PCNT: variants seen among roughly 807,000 people sequenced by gnomAD.
PCNT encodes kendrin.
Under a neutral mutation model 380.4 loss-of-function variants are expected in PCNT, and 319 were observed. The observed-to-expected ratio is 0.84, with a 90% CI of 0.77 to 0.92. The LOEUF (loss-of-function observed/expected upper bound fraction) is 0.92. Among genes scored for constraint, PCNT ranks in the 40% least tolerant of loss-of-function variants. The pLI, the probability that PCNT is intolerant of heterozygous loss-of-function variation, is 0.00. For missense variants in PCNT, 4,400 were observed against 4,255.3 expected (o/e 1.03, Z -0.95); for synonymous variants, 1,845 against 1,735.2 (o/e 1.06, Z -1.57).
At chr21:46,368,997 G>C (rs111741742) in intron 15 of PCNT, among the ~76,000 whole-genome samples, 26 of 152,354 alleles carry the variant, frequency 1.7e-4, no homozygotes, top group African/African-American at 6.3e-4. Context: ...CTTCAGCTCT[G>C]TGTAAGAACA....
intron 13 of PCNT, among the ~76,000 whole-genome samples, 187 bp from the exon 14 acceptor site, chr21:46,363,293 T>A (rs1264402053): frequency 6.6e-6 from 1 of 152,188 alleles, no homozygotes; most frequent in Non-Finnish European, 1.5e-5. Context: ...TTATTTAGTT[T>A]TAGACTTGTC....
Position 46,390,824 on chromosome 21 carries a change from A to G in PCNT, c.3995A>G (p.Lys1332Arg). ...GCAGAGCTGGCGCTGGAGCTGCACA[A>G]GACTCAGGGTGAGCAGCATGAGGCC... ...AKAELALELH[K>R]TQGTLEGFKV... Residue 1332 changes from lysine (K) to arginine (R), a missense_variant, in exon 20 of 47, where the codon AAG becomes AGG. Coordinates refer to ENST00000359568, the MANE Select transcript of PCNT (RefSeq NM_006031.6). 1 of 1,608,712 alleles carries G rather than the reference A, an allele frequency of 6.2e-7. No homozygotes were observed. The highest frequency in any genetic ancestry group is 2.1e-4 in the Middle Eastern group (1 of 4,694).
At chr21:46,360,899 C>T (rs926145383) in intron 13 of PCNT, among the ~76,000 whole-genome samples, 1 of 152,152 alleles carries the variant, frequency 6.6e-6, no homozygotes, top group Non-Finnish European at 1.5e-5. Flanking sequence ...AAGGTAATTA[C>T]TGGTGTGGTT....
In PCNT at chr21:46,342,516, T is replaced by C. The variant is rs1481028525; in HGVS notation, c.640-3612T>C. ...CAACCTGGATGTGTTTTTTATCTGT[T>C]TGTGTCATCAATTCTTTCTTTTTTT... On this transcript the variant is annotated intron_variant, in intron 3 of 46. Transcript: ENST00000359568. Among the ~76,000 whole-genome samples, 3 of 152,236 alleles carry C rather than the reference T, an allele frequency of 2.0e-5. No homozygotes were observed. The East Asian group carries it at 5.8e-4, about 29-fold the overall frequency.
intron 34 of PCNT, 75 bp downstream of exon 34, chr21:46,427,870 G>A: frequency 6.7e-7 from 1 of 1,501,870 alleles, no homozygotes; most frequent in Non-Finnish European, 9.2e-7. Context: ...GACACAGACT[G>A]TTTTGTGTGT....
At position 46,416,537 on chromosome 21, in the gene PCNT, G is replaced by A; in HGVS notation, c.6619G>A (p.Ala2207Thr). 1 of 1,613,652 alleles carries A rather than the reference G, an allele frequency of 6.2e-7. No homozygotes were observed. Among genetic ancestry groups the A allele is most frequent in the Non-Finnish European group, 8.5e-7 (1 of 1,179,974 alleles). Residue 2207 changes from alanine to threonine, a missense_variant, in exon 30 of 47, where the codon GCA (alanine) becomes ACA (threonine). Transcript: ENST00000359568. ...LGGSRHQSHT[A>T]EAGPRKSPVG... Reference sequence around the variant, plus strand: ...TGGCTCCCGCCACCAGAGCCACACTGCAGAGGCTGGGCCCCGGAAGAGCCC... The same window carrying A: ...TGGCTCCCGCCACCAGAGCCACACTACAGAGGCTGGGCCCCGGAAGAGCCC...
chr21:46,347,243 C>T (rs113345135), intron 5 of PCNT, among the ~76,000 whole-genome samples: 29 of 152,258 alleles, frequency 1.9e-4, no homozygotes, highest in African/African-American at 7.0e-4. Context: ...CCAGGGCTGA[C>T]CTTCACCTCC....
intron 26 of PCNT, 81 bp from the exon 27 acceptor site, chr21:46,402,250 A>G (rs977737518): frequency 1.1e-5 from 11 of 979,790 alleles, no homozygotes; most frequent in African/African-American, 9.9e-5. Context: ...TCTCAAAGCT[A>G]TTTTAATAAT....
chr21:46,342,490 C>T (rs903866633), intron 3 of PCNT, among the ~76,000 whole-genome samples: 9 of 152,152 alleles, frequency 5.9e-5, no homozygotes, highest in African/African-American at 1.9e-4. Flanking sequence ...TGCATCCATA[C>T]CAACCTGGAT....
intron 13 of PCNT, among the ~76,000 whole-genome samples, chr21:46,360,719 CAT>C (rs2084682690): frequency 2.0e-5 from 3 of 150,820 alleles, no homozygotes; most frequent in Non-Finnish European, 3.0e-5. Context: ...GGGGTTTCAC[CAT>C]GTTAGCCAGG....
At chr21:46,442,905 T>C (rs2053648924) in intron 44 of PCNT, 1 of 374,030 alleles carries the variant, frequency 2.7e-6, no homozygotes, top group African/African-American at 2.1e-5. Context: ...TCTCTTTCCT[T>C]GTAGAGCATC....
At chr21:46,371,087 G>T (rs1003422094) in intron 15 of PCNT, among the ~76,000 whole-genome samples, 3 of 151,946 alleles carry the variant, frequency 2.0e-5, no homozygotes, top group Non-Finnish European at 4.4e-5. Context: ...ACCAGGCATG[G>T]TGGTGCAGGC....
intron 15 of PCNT, among the ~76,000 whole-genome samples, chr21:46,373,134 C>T (rs1376036264): frequency 6.6e-6 from 1 of 152,146 alleles, no homozygotes; most frequent in Non-Finnish European, 1.5e-5. Context: ...GGTCCTCCTG[C>T]CTCAGCCTCT....
intron 33 of PCNT, 77 bp downstream of exon 33, chr21:46,426,048 C>T (rs2087482732): frequency 8.3e-6 from 9 of 1,078,050 alleles, no homozygotes; most frequent in Non-Finnish European, 9.7e-6. Context: ...CTTAGGGCCA[C>T]GTGGACACTA....
At chr21:46,354,750 CT>C (rs1056320963) in intron 11 of PCNT, among the ~76,000 whole-genome samples, 1 of 152,194 alleles carries the variant, frequency 6.6e-6, no homozygotes, top group African/African-American at 2.4e-5. Context: ...AGCAGGGTCC[CT>C]GGGCCTGCTG....
At chr21:46,324,986 C>G (rs1463969260) in intron 1 of PCNT, 1 of 832,302 alleles carries the variant, frequency 1.2e-6, no homozygotes, top group African/African-American at 6.3e-5. Flanking sequence ...CCGGGCCTGG[C>G]GTACGCTGCC....
intron 21 of PCNT, among the ~76,000 whole-genome samples, chr21:46,392,091 A>AT (rs1252260721): frequency 1.3e-5 from 2 of 151,672 alleles, no homozygotes; most frequent in African/African-American, 2.4e-5. Flanking sequence ...TATTATTATT[A>AT]TTATTTTTTT....
intron 27 of PCNT, among the ~76,000 whole-genome samples, chr21:46,404,419 A>G (rs888970636): frequency 7.2e-6 from 1 of 138,350 alleles, no homozygotes; most frequent in African/African-American, 2.6e-5. Flanking sequence ...TTTCTGCCCA[A>G]CAAAGAAGAG....
chr21:46,398,385 G>A (rs953363304), intron 24 of PCNT, 130 bp downstream of exon 24: 18 of 900,188 alleles, frequency 2.0e-5, no homozygotes, highest in Non-Finnish European at 2.3e-5. Context: ...GCTTTCTCTT[G>A]TCTGAGGAAG....
Sources: gnomAD v4.1 joint callset for allele counts (sites outside exome capture counted in the v4.1 genomes callset) on GRCh38, gnomAD v4.1.1 for gene constraint, MANE v1.5 for transcripts, NCBI Gene and HGNC (gene_info 2026-07-23, HGNC 2026-07-21) for gene names.